Variants in ADGRL3 observed in about 807,000 individuals in gnomAD.
ADGRL3 encodes the protein calcium-independent alpha-latrotoxin receptor 3.
ADGRL3 carries 62 observed loss-of-function variants against 153.5 expected under a neutral mutation model. The observed-to-expected ratio is 0.40, with a 90% CI of 0.33 to 0.50. The LOEUF (loss-of-function observed/expected upper bound fraction) is 0.50. Among genes scored for constraint, ADGRL3 ranks in the 20% least tolerant of loss-of-function variants. The probability of loss-of-function intolerance (pLI) is 0.47; values close to 1 mark genes in which losing one functional copy is unlikely to be tolerated. For synonymous variants in ADGRL3, 710 were observed against 672.5 expected, an observed-to-expected ratio of 1.06 and a Z score of -0.86; for missense variants, 1,641 against 1,859.4, an observed-to-expected ratio of 0.88 and a Z score of 2.16.
intron 4 of ADGRL3, among the ~76,000 whole-genome samples, chr4:61,574,252 A>G (rs1016037469): frequency 1.3e-5 from 2 of 152,024 alleles, no homozygotes; most frequent in Admixed American, 1.3e-4. Context: ...ATCTGTGTAT[A>G]TGTGTGTGTG....
At chr4:61,365,632 A>G (rs1184900649) in intron 1 of ADGRL3, among the ~76,000 whole-genome samples, 1 of 152,244 alleles carries the variant, frequency 6.6e-6, no homozygotes, top group Non-Finnish European at 1.5e-5. Context: ...AAATTGCTTC[A>G]GCTTCAAGAG....
chr4:61,374,091 G>GT (rs1560538731), intron 1 of ADGRL3, among the ~76,000 whole-genome samples: 1 of 152,142 alleles, frequency 6.6e-6, no homozygotes, highest in Non-Finnish European at 1.5e-5. Context: ...TCATGTATGA[G>GT]TAAAACTTCA....
chr4:61,502,457 A>T (rs1411012141), intron 3 of ADGRL3, among the ~76,000 whole-genome samples: 1 of 150,138 alleles, frequency 6.7e-6, no homozygotes, highest in African/African-American at 2.5e-5. Flanking sequence ...AACGTAAAAA[A>T]AATGCTTGTA....
intron 1 of ADGRL3, among the ~76,000 whole-genome samples, chr4:61,271,599 G>A (rs1459187348): frequency 6.6e-6 from 1 of 152,004 alleles, no homozygotes; most frequent in Non-Finnish European, 1.5e-5. Flanking sequence ...ACTCTTTGCT[G>A]AAGGCAGCTG....
At chr4:61,772,258 C>T (rs939938933) in intron 8 of ADGRL3, among the ~76,000 whole-genome samples, 2 of 152,182 alleles carry the variant, frequency 1.3e-5, no homozygotes, top group Non-Finnish European at 2.9e-5. Flanking sequence ...TCCCTCTCCA[C>T]TGGCCACTGC....
At chr4:62,028,216 A>T (rs900175788) in intron 21 of ADGRL3, among the ~76,000 whole-genome samples, 1 of 151,906 alleles carries the variant, frequency 6.6e-6, no homozygotes, top group African/African-American at 2.4e-5. Context: ...AAATGATATT[A>T]AAAAATTAGT....
intron 4 of ADGRL3, among the ~76,000 whole-genome samples, chr4:61,577,760 A>G (rs1002518616): frequency 6.6e-6 from 1 of 151,632 alleles, no homozygotes; most frequent in Non-Finnish European, 1.5e-5. Flanking sequence ...TTGTAGTGAC[A>G]TATGATCATG....
intron 1 of ADGRL3, among the ~76,000 whole-genome samples, chr4:61,210,687 T>C (rs1739569220): frequency 6.6e-6 from 1 of 152,216 alleles, no homozygotes; most frequent in Admixed American, 6.5e-5. Context: ...CATTAACACC[T>C]TTTGTTTTTT....
intron 6 of ADGRL3, among the ~76,000 whole-genome samples, chr4:61,686,520 A>T (rs1246371672): frequency 6.6e-6 from 1 of 152,110 alleles, no homozygotes. Flanking sequence ...TTAAATTGAC[A>T]CATAATTGTG....
chr4:61,912,833 G>GA, intron 13 of ADGRL3, 76 bp downstream of exon 13: 1 of 1,320,786 alleles, frequency 7.6e-7, no homozygotes, highest in Non-Finnish European at 1.1e-6. Context: ...ACACCTGATA[G>GA]AAAAATGATA....
At chr4:61,376,432 A>T (rs183548495) in intron 1 of ADGRL3, among the ~76,000 whole-genome samples, 2 of 152,154 alleles carry the variant, frequency 1.3e-5, no homozygotes, top group African/African-American at 4.8e-5. Flanking sequence ...CTATTTCTTA[A>T]TCAGAGAAAG....
At chr4:61,890,941 A>G (rs1041647326) in intron 9 of ADGRL3, among the ~76,000 whole-genome samples, 2 of 113,230 alleles carry the variant, frequency 1.8e-5, no homozygotes, top group African/African-American at 7.2e-5. Context: ...CATTTGATTT[A>G]TTATATATGC....
rs945718484 is a variant in ADGRL3, at chr4:61,588,061, C to G, written c.473+621C>G. Among the ~76,000 whole-genome samples, 26 of 151,740 alleles carry G rather than the reference C, an allele frequency of 1.7e-4. 1 individual carries two copies. The highest frequency in any genetic ancestry group is 6.0e-4 in the African/African-American group (25 of 41,502). Reference sequence around the variant, plus strand: ...AGAAATATTTTTGATTCTAAAGAGACTGGTCAGTAGGAATGCATATTATAT... The same window carrying G: ...AGAAATATTTTTGATTCTAAAGAGAGTGGTCAGTAGGAATGCATATTATAT... On this transcript the variant is annotated intron_variant, in intron 5 of 26. Coordinates refer to ENST00000683033, the MANE Select transcript of ADGRL3 (RefSeq NM_001387552.1).
At chr4:61,364,331 CAA>C (rs33966342) in intron 1 of ADGRL3, among the ~76,000 whole-genome samples, 17,935 of 127,956 alleles carry the variant, frequency 0.14, 1,186 homozygotes, top group Middle Eastern at 0.3. Context: ...GACTCCGTCT[CAA>C]AAAAAAAAAA....
At chr4:61,224,617 T>C (rs765482553) in intron 1 of ADGRL3, among the ~76,000 whole-genome samples, 3 of 152,194 alleles carry the variant, frequency 2.0e-5, no homozygotes, top group Non-Finnish European at 4.4e-5. Context: ...TCGCAATTCA[T>C]AGTGGTCACT....
rs188432579 is a variant in ADGRL3, at chr4:62,036,019, G to A, written c.3592-1712G>A. 5.1e-4 allele frequency among the ~76,000 whole-genome samples: 77 copies of A among 152,162 alleles called. No individual in the cohort carries two copies. In the East Asian group the frequency reaches 0.014, roughly 28 times the overall value. On this transcript the variant is annotated intron_variant, in intron 23 of 26. Coordinates refer to ENST00000683033, the MANE Select transcript of ADGRL3 (RefSeq NM_001387552.1). ...TTAGAAACACACATAACTGGCTACA[G>A]CTCGATTTCTTTTTTTAAAATACAC...
Position 61,639,390 on chromosome 4 carries a change from A to T in ADGRL3, c.474-37436A>T, listed in dbSNP as rs569713324. Among the ~76,000 whole-genome samples the T allele has an allele frequency of 2.6e-5, 4 of 152,262 alleles. No individual in the cohort carries two copies. The South Asian group carries it at 8.3e-4, about 32-fold the overall frequency. On this transcript the variant is annotated intron_variant, in intron 5 of 26. Coordinates refer to ENST00000683033, the MANE Select transcript of ADGRL3 (RefSeq NM_001387552.1). ...ATAAAAATAAAATAATCATATACAAAATTTGAAAAATTTGAAAAAAACTAT... is the reference window on the plus strand; with the variant it reads ...ATAAAAATAAAATAATCATATACAATATTTGAAAAATTTGAAAAAAACTAT...
chr4:62,007,087 G>A (rs62306376), intron 21 of ADGRL3, among the ~76,000 whole-genome samples: 34,921 of 151,540 alleles, frequency 0.23, 4,338 homozygotes, highest in South Asian at 0.42. Flanking sequence ...TCAGCTCCAA[G>A]CATCATTATA....
intron 2 of ADGRL3, among the ~76,000 whole-genome samples, chr4:61,412,328 T>A (rs187508366): frequency 1.3e-5 from 2 of 152,260 alleles, no homozygotes; most frequent in African/African-American, 4.8e-5. Flanking sequence ...GCTCAAGCAA[T>A]CCTATTGCCT....
Sources: gnomAD v4.1 joint callset for allele counts (sites outside exome capture counted in the v4.1 genomes callset) on GRCh38, gnomAD v4.1.1 for gene constraint, MANE v1.5 for transcripts, NCBI Gene and HGNC (gene_info 2026-07-23, HGNC 2026-07-21) for gene names.